The following SLMAP variants were observed in gnomAD, a reference collection of about 807,000 sequenced individuals.
The protein encoded by SLMAP is sarcolemma associated protein, also known as sarcolemmal membrane-associated protein.
In SLMAP, 44 loss-of-function variants were observed where a neutral mutation model predicts 128.8. The observed-to-expected ratio is 0.34, with a 90% CI of 0.27 to 0.44. SLMAP has a LOEUF of 0.44. SLMAP is among the 20% of genes least tolerant of loss of function. The probability of loss-of-function intolerance (pLI) is 1.00; values close to 1 mark genes in which losing one functional copy is unlikely to be tolerated. For synonymous variants in SLMAP, 327 were observed against 348.8 expected, an observed-to-expected ratio of 0.94 and a Z score of 0.70; for missense variants, 787 against 985.3, an observed-to-expected ratio of 0.80 and a Z score of 2.69.
At chr3:57,859,342 G>A (rs1175949240) in intron 8 of SLMAP, among the ~76,000 whole-genome samples, 5 of 150,696 alleles carry the variant, frequency 3.3e-5, no homozygotes, top group African/African-American at 4.9e-5. Context: ...AAAAAAAAGC[G>A]GGGGCAGTTT....
intron 14 of SLMAP, among the ~76,000 whole-genome samples, chr3:57,883,798 G>A (rs534255744): frequency 1.3e-5 from 2 of 152,266 alleles, no homozygotes; most frequent in South Asian, 4.1e-4. Context: ...AGAAAACCAA[G>A]TTAAAACTGT....
At chr3:57,877,855 AACAG>A (rs1263770167) in intron 14 of SLMAP, among the ~76,000 whole-genome samples, 6 of 111,892 alleles carry the variant, frequency 5.4e-5, no homozygotes, top group Middle Eastern at 4.6e-3. Context: ...TTTTTTTTTA[AACAG>A]AGTCTCGCTC....
chr3:57,867,670 TAATAATGAACCAATTTTC>T (rs1255075705), intron 13 of SLMAP, among the ~76,000 whole-genome samples: 1 of 152,166 alleles, frequency 6.6e-6, no homozygotes, highest in Non-Finnish European at 1.5e-5. Context: ...AAATCACTTA[TAATAATGAACCAATTTTC>T]AAGTATCCCA....
intron 13 of SLMAP, among the ~76,000 whole-genome samples, chr3:57,871,347 T>C (rs2095475915): frequency 6.6e-6 from 1 of 152,170 alleles, no homozygotes; most frequent in Non-Finnish European, 1.5e-5. Flanking sequence ...TGTTGAGTTC[T>C]AGTGGACAAA....
Position 57,782,758 on chromosome 3 carries a change from C to T in SLMAP, c.198+24909C>T, listed in dbSNP as rs149211616. ...AAAGTGCTGGGATTATAGGCATGAG[C>T]CACTATGCCCAGCCATGAATGGATT... On this transcript the variant is annotated intron_variant, in intron 2 of 24. Coordinates refer to ENST00000671191, the MANE Select transcript of SLMAP (RefSeq NM_001377540.1). Among the ~76,000 whole-genome samples, 635 of 152,332 alleles carry T rather than the reference C, an allele frequency of 4.2e-3. 6 individuals carry two copies. Among genetic ancestry groups the T allele is most frequent in the African/African-American group, 0.015 (616 of 41,562 alleles).
chr3:57,764,655 G>T (rs1278552039), intron 2 of SLMAP, among the ~76,000 whole-genome samples: 3 of 152,148 alleles, frequency 2.0e-5, no homozygotes, highest in Non-Finnish European at 4.4e-5. Context: ...TGCTTTACTT[G>T]TTAACTTATT....
At chr3:57,863,513 A>C (rs554481995) in intron 10 of SLMAP, among the ~76,000 whole-genome samples, 1 of 152,300 alleles carries the variant, frequency 6.6e-6, no homozygotes, top group South Asian at 2.1e-4. Context: ...TAAGAGGTTT[A>C]TTTGGCTCAC....
chr3:57,762,286 T>A lies in SLMAP; in HGVS notation c.198+4437T>A, dbSNP rs372863062. 6.0e-5 allele frequency among the ~76,000 whole-genome samples: 9 copies of A among 151,158 alleles called. No individual in the cohort carries two copies. The East Asian group carries it at 1.2e-3, about 20-fold the overall frequency. ...GGGAAGGCTGAGGCAGGAGAATTGC[T>A]TGAACCCGGGAGGCGGAGGTTGCAG... On this transcript the variant is annotated intron_variant, in intron 2 of 24. Transcript: ENST00000671191.
intron 2 of SLMAP, among the ~76,000 whole-genome samples, chr3:57,820,417 G>GA (rs2092393273): frequency 1.3e-5 from 2 of 151,998 alleles, no homozygotes; most frequent in African/African-American, 4.8e-5. Flanking sequence ...ACCCCGAGAG[G>GA]AAAAAATAAT....
intron 19 of SLMAP, 93 bp downstream of exon 19, chr3:57,909,243 C>T (rs2096636109): frequency 1.2e-6 from 1 of 866,256 alleles, no homozygotes; most frequent in Non-Finnish European, 1.8e-6. Flanking sequence ...TGGCTCATGC[C>T]TGCAATCCCA....
intron 13 of SLMAP, among the ~76,000 whole-genome samples, chr3:57,868,985 ATT>A (rs1396447288): frequency 7.2e-6 from 1 of 138,586 alleles, no homozygotes; most frequent in African/African-American, 2.7e-5. Flanking sequence ...TATAATATAT[ATT>A]ATATATGTGT....
intron 13 of SLMAP, among the ~76,000 whole-genome samples, chr3:57,866,551 A>G (rs546758666): frequency 2.0e-5 from 3 of 152,306 alleles, no homozygotes; most frequent in South Asian, 2.1e-4. Context: ...CTGTTTGACT[A>G]TTCTACGTAT....
At chr3:57,806,732 G>A (rs1235947756) in intron 2 of SLMAP, among the ~76,000 whole-genome samples, 7 of 152,082 alleles carry the variant, frequency 4.6e-5, no homozygotes, top group East Asian at 3.9e-4. Flanking sequence ...GAGCCACCAT[G>A]CCTGTACCAC....
At chr3:57,907,844 A>G in intron 17 of SLMAP, 40 bp from the exon 18 acceptor site, 1 of 1,597,558 alleles carries the variant, frequency 6.3e-7, no homozygotes, top group Non-Finnish European at 8.6e-7. Flanking sequence ...TTATAGTGTG[A>G]TACTAACTCT....
rs1191582787 is a variant in SLMAP at position 57,925,375 on chromosome 3, G to A, written c.2446-470G>A. ...CAACGGAGTCTCTCTCTGTCACCCA[G>A]CTTGGAGTGCAGTGGCACTCTCAGC... On this transcript the variant is annotated intron_variant, in intron 23 of 24. Transcript: ENST00000671191. Among the ~76,000 whole-genome samples, 3 of 148,084 alleles carry A rather than the reference G, an allele frequency of 2.0e-5. No individual in the cohort carries two copies. The East Asian group carries it at 6.0e-4, about 29-fold the overall frequency.
chr3:57,869,237 C>G (rs997339381), intron 13 of SLMAP, among the ~76,000 whole-genome samples: 2 of 150,560 alleles, frequency 1.3e-5, no homozygotes, highest in Non-Finnish European at 2.9e-5. Flanking sequence ...GGAGGCTAGG[C>G]CAGTCTCTCT....
Position 57,922,876 on chromosome 3 carries a change from T to A in SLMAP, c.2311-13T>A. 1 of 1,607,250 alleles carries A rather than the reference T, an allele frequency of 6.2e-7. No homozygotes were observed. The highest frequency in any genetic ancestry group is 8.5e-7 in the Non-Finnish European group (1 of 1,177,570). On this transcript the variant is annotated splice_polypyrimidine_tract_variant and intron_variant, in intron 22 of 24. Coordinates refer to ENST00000671191, the MANE Select transcript of SLMAP (RefSeq NM_001377540.1). ...AAGTTGTATCTGCACACTTTTTTTT[T>A]CTTTGCCTTTAGTATGAAAAGACAC...
At chr3:57,811,025 C>T (rs1167990992) in intron 2 of SLMAP, among the ~76,000 whole-genome samples, 1 of 152,070 alleles carries the variant, frequency 6.6e-6, no homozygotes, top group Non-Finnish European at 1.5e-5. Context: ...GACTTCTTCC[C>T]CTGAACTCTA....
chr3:57,885,291 C>A (rs752315738), intron 14 of SLMAP, among the ~76,000 whole-genome samples: 1 of 151,312 alleles, frequency 6.6e-6, no homozygotes, highest in Non-Finnish European at 1.5e-5. Context: ...AGTCTGGTCT[C>A]GAACTCCCGA....
Sources: gnomAD v4.1 joint callset for allele counts (sites outside exome capture counted in the v4.1 genomes callset) on GRCh38, gnomAD v4.1.1 for gene constraint, MANE v1.5 for transcripts, NCBI Gene and HGNC (gene_info 2026-07-23, HGNC 2026-07-21) for gene names.